KHNYN: variants seen among roughly 807,000 people sequenced by gnomAD.
KHNYN encodes the protein protein KHNYN.
KHNYN carries 42 observed loss-of-function variants against 62.7 expected under a neutral mutation model. The ratio of observed to expected loss-of-function variants is 0.67; its 90% CI spans 0.52 to 0.87. The LOEUF (loss-of-function observed/expected upper bound fraction) is 0.87, where lower values mean the gene tolerates loss of function less well. Among genes scored for constraint, KHNYN ranks in the 40% least tolerant of loss-of-function variants. The probability of loss-of-function intolerance (pLI) is 0.00; values close to 1 mark genes in which losing one functional copy is unlikely to be tolerated. For synonymous variants in KHNYN, 347 were observed against 345.6 expected, an observed-to-expected ratio of 1.00 and a Z score of -0.04; for missense variants, 829 against 874.1, an observed-to-expected ratio of 0.95 and a Z score of 0.65.
At chr14:24,425,109 G>A (rs887434333), upstream of KHNYN, among the ~76,000 whole-genome samples, 2 of 152,174 alleles carry the variant, frequency 1.3e-5, no homozygotes, top group African/African-American at 4.8e-5. Flanking sequence ...GCTGAGGCAT[G>A]AGCATTGCTT....
chr14:24,434,650 A>T (rs927283127), intron 5 of KHNYN, among the ~76,000 whole-genome samples: 1 of 152,112 alleles, frequency 6.6e-6, no homozygotes, highest in Non-Finnish European at 1.5e-5. Context: ...TGATCCGCCC[A>T]CCTCAGCCTC....
At position 24,432,032 on chromosome 14, in the gene KHNYN, G is replaced by A. The variant is rs201867703; in HGVS notation, c.771G>A (p.Lys257=). Residue 257 remains lysine, a synonymous_variant, in exon 3 of 8, where the codon AAG becomes AAA. Coordinates refer to ENST00000553935, the MANE Select transcript of KHNYN (RefSeq NM_015299.3). This position sits in a 1 kb window ranked among gnomAD's most constrained non-coding sequence, Gnocchi z 5.6. ...GGGGAGACACTTACGCTGTGGAGAA[G>A]GAGGGAGGGAAACAGGGTGGTCCCA... ...GARGDTYAVE[K]EGGKQGGPRE... The A allele has an allele frequency of 1.2e-6, 2 of 1,604,830 alleles. No homozygotes were observed. Among genetic ancestry groups the A allele is most frequent in the East Asian group, 4.5e-5 (2 of 44,744 alleles).
Position 24,432,572 on chromosome 14 carries a change from C to T in KHNYN, c.1311C>T (p.Leu437=), listed in dbSNP as rs1180384778. The stretch of plus-strand genomic sequence containing the variant: ...CCAATGTGCCTGGCCAGCCAGACCT[C>T]CGCCATATTGTCATTGACGGCAGCA... ...CLANVPGQPD[L]RHIVIDGSNV... The change falls in exon 3 of 8, where the codon CTC becomes CTT. Residue 437 remains leucine (L), a synonymous_variant. Coordinates refer to ENST00000553935, the MANE Select transcript of KHNYN (RefSeq NM_015299.3). This position sits in a 1 kb window ranked among gnomAD's most constrained non-coding sequence, Gnocchi z 5.6. 2.5e-6 allele frequency: 4 copies of T among 1,609,318 alleles called. No individual in the cohort carries two copies. In the African/African-American group the frequency reaches 4.0e-5, roughly 16 times the overall value.
rs1038239902 is a variant in KHNYN at position 24,430,557 on chromosome 14, C to T, written c.-17-157C>T. ...CCGGAGAGGCCTGCGTGACATACAC[C>T]CTCCCTACCTCCAGTGGACTCAGAT... On this transcript the variant is annotated intron_variant, in intron 1 of 7. Transcript: ENST00000553935. 12 of 1,422,016 alleles carry T rather than the reference C, an allele frequency of 8.4e-6. No individual in the cohort carries two copies. In the African/African-American group the frequency reaches 1.3e-4, roughly 15 times the overall value. The allele number at this position is 1,422,016 out of a possible 1,614,324, so 88.1% of individuals were successfully genotyped here.
chr14:24,428,684 G>A, upstream of KHNYN: 1 of 1,476,514 alleles, frequency 6.8e-7, no homozygotes, highest in Non-Finnish European at 9.1e-7. Context: ...ACAGCAAAGT[G>A]GGCTTGGACA....
Position 24,437,048 on chromosome 14 carries a change from T to A in KHNYN, c.1800T>A (p.Ser600=). Residue 600 remains serine (S), a synonymous_variant, in exon 8 of 8, where the codon TCT becomes TCA. Coordinates refer to ENST00000553935, the MANE Select transcript of KHNYN (RefSeq NM_015299.3). This position sits in a 1 kb window ranked among gnomAD's most constrained non-coding sequence, Gnocchi z 5.5. The part of the protein sequence containing the change: ...FLKKPARTQG[S]SKAQHPSRGF... ...TGTTTCTTCCCAGGACACAGGGGTC[T>A]TCTAAGGCTCAGCATCCTTCCAGGG... The A allele has an allele frequency of 6.2e-7, 1 of 1,614,048 alleles. No homozygotes were observed. Among genetic ancestry groups the A allele is most frequent in the Non-Finnish European group, 8.5e-7 (1 of 1,179,922 alleles).
rs371730227 is a variant in KHNYN, at chr14:24,436,388, C to T, written c.1686C>T (p.Arg562=). Residue 562 remains arginine, a splice_region_variant and synonymous_variant, in exon 7 of 8, where the codon CGC becomes CGT. Transcript: ENST00000553935. The part of the protein sequence containing the change: ...SEKWMAIIRE[R]LLPFTFVGNL... ...CCACACATTATCTTTCGCCATCCAG[C>T]CTGCTGCCCTTTACCTTTGTGGGAA... 17 of 1,613,664 alleles carry T rather than the reference C, an allele frequency of 1.1e-5. 1 individual carries two copies. The highest frequency in any genetic ancestry group is 1.0e-4 in the Admixed American group (6 of 59,942).
At chr14:24,431,241 G>A (rs771789926) in intron 2 of KHNYN, among the ~76,000 whole-genome samples, 21 of 152,210 alleles carry the variant, frequency 1.4e-4, no homozygotes, top group Non-Finnish European at 2.8e-4. Flanking sequence ...TGGGGTGGGA[G>A]GCTGGGCCAC....
Position 24,431,822 on chromosome 14 carries a change from G to A in KHNYN, c.561G>A (p.Gln187=), listed in dbSNP as rs1307514999. ...EALLQLPLAV[Q]EELLSLVQEA... is the part of the protein sequence containing the mutation. ...TGTTGCAGTTGCCCCTGGCTGTCCA[G>A]GAGGAGCTGCTGAGTCTGGTGCAGG... Residue 187 remains glutamine, a synonymous_variant, in exon 3 of 8, where the codon CAG becomes CAA. Transcript: ENST00000553935. The A allele has an allele frequency of 1.2e-6, 2 of 1,614,056 alleles. No individual in the cohort carries two copies. The highest frequency in any genetic ancestry group is 1.7e-6 in the Non-Finnish European group (2 of 1,180,030).
Position 24,431,533 on chromosome 14 carries a change from T to C in KHNYN, c.272T>C (p.Ile91Thr). The C allele has an allele frequency of 1.2e-6, 2 of 1,611,038 alleles. No individual in the cohort carries two copies. Among genetic ancestry groups the C allele is most frequent in the Non-Finnish European group, 1.7e-6 (2 of 1,177,628 alleles). ...CACTACCCGCCCAAACTGCACTGCATCTTTCTGGGAGCCCAGGGCTTCTTC... is the reference window on the plus strand; with the variant it reads ...CACTACCCGCCCAAACTGCACTGCACCTTTCTGGGAGCCCAGGGCTTCTTC... The part of the protein sequence containing the change: ...EIHYPPKLHC[I>T]FLGAQGFFLD... Residue 91 changes from isoleucine (I) to threonine (T), a missense_variant, in exon 3 of 8, where the codon ATC becomes ACC. By Grantham distance (89) the Ile-to-Thr change is moderately conservative. Coordinates refer to ENST00000553935, the MANE Select transcript of KHNYN (RefSeq NM_015299.3).
Position 24,439,844 on chromosome 14 carries a change from A to C in KHNYN, c.*2559A>C. ...CGTAAAGGAGAAGTGGGGCAGCTGC[A>C]GGACATGTAGAGAAACCAAACTGGG... On this transcript the variant is annotated 3_prime_UTR_variant, in exon 8 of 8. Coordinates refer to ENST00000553935, the MANE Select transcript of KHNYN (RefSeq NM_015299.3). 1 of 468,944 alleles carries C rather than the reference A, an allele frequency of 2.1e-6. No homozygotes were observed. The highest frequency in any genetic ancestry group is 3.8e-6 in the Non-Finnish European group (1 of 264,046). 29.0% of individuals were successfully genotyped at this position (468,944 alleles called of 1,614,324 possible).
upstream of KHNYN, chr14:24,426,798 T>C (rs2043024373): frequency 6.6e-6 from 1 of 152,202 alleles, no homozygotes; most frequent in Admixed American, 6.5e-5. Flanking sequence ...TCCCAGGTAA[T>C]AGGAAGCCTA....
rs535445145 is a variant in KHNYN at position 24,439,511 on chromosome 14, A to T, written c.*2226A>T. Reference sequence around the variant, plus strand: ...CTACTGGCATCCTAATGGCACTCTGACAGCATCCAGGGTGACTACAGGGCC... The same window carrying T: ...CTACTGGCATCCTAATGGCACTCTGTCAGCATCCAGGGTGACTACAGGGCC... On this transcript the variant is annotated 3_prime_UTR_variant, in exon 8 of 8. Transcript: ENST00000553935. 6.6e-6 allele frequency: 1 copy of T among 152,410 alleles called. No individual in the cohort carries two copies. Among genetic ancestry groups the T allele is most frequent in the East Asian group, 1.9e-4 (1 of 5,186 alleles). 9.4% of individuals were successfully genotyped at this position (152,410 alleles called of 1,614,324 possible).
chr14:24,436,994 C>CT (rs1566502064), intron 7 of KHNYN, 42 bp from the exon 8 acceptor site: 2 of 1,584,632 alleles, frequency 1.3e-6, no homozygotes, highest in Non-Finnish European at 8.6e-7. Context: ...TAATTTCCCC[C>CT]CCAGGATGCT....
intron 7 of KHNYN, 105 bp downstream of exon 7, chr14:24,436,594 AT>A (rs138793637): frequency 0.031 from 25,094 of 800,282 alleles, 801 homozygotes; most frequent in East Asian, 0.15. Context: ...GGCCAGCTTA[AT>A]TTTGCAGTGG....
upstream of KHNYN, chr14:24,429,574 C>A (rs5025771): frequency 1.8e-6 from 1 of 564,526 alleles, no homozygotes; most frequent in East Asian, 8.9e-5. Flanking sequence ...TACTCCACCA[C>A]GGGTACCCTC....
Position 24,432,774 on chromosome 14 carries a change from T to G in KHNYN, c.1402T>G (p.Tyr468Asp). Residue 468 changes from tyrosine (Y) to aspartate (D), a missense_variant, in exon 4 of 8, where the codon TAC becomes GAC. By Grantham distance (160) the Tyr-to-Asp change is radical. Around this residue, in one of 2 missense-constraint regions of KHNYN, gnomAD observed 270 missense variants for 347.1 expected, o/e 0.78. Coordinates refer to ENST00000553935, the MANE Select transcript of KHNYN (RefSeq NM_015299.3). This position sits in a 1 kb window ranked among gnomAD's most constrained non-coding sequence, Gnocchi z 5.6. ...CCGGGGCATTGCCATTGCTGTGCAGTACTTCTGGGACCGTGGTCACCGTGA... is the reference window on the plus strand; with the variant it reads ...CCGGGGCATTGCCATTGCTGTGCAGGACTTCTGGGACCGTGGTCACCGTGA... ...SSRGIAIAVQ[Y>D]FWDRGHRDIT... 6.2e-7 allele frequency: 1 copy of G among 1,614,206 alleles called. No homozygotes were observed. Among genetic ancestry groups the G allele is most frequent in the Non-Finnish European group, 8.5e-7 (1 of 1,180,014 alleles).
At chr14:24,427,929 C>T (rs769666640), upstream of KHNYN, 8 of 1,613,822 alleles carry the variant, frequency 5.0e-6, no homozygotes, top group Admixed American at 1.7e-5. The surrounding 1 kb of genome is among the most constrained non-coding windows in gnomAD (Gnocchi z 4.4). Context: ...TCCCGGGTCA[C>T]GTCAGGATCA....
chr14:24,427,760 G>GTTTGTGCTT, upstream of KHNYN: 1 of 1,608,676 alleles, frequency 6.2e-7, no homozygotes, highest in Non-Finnish European at 8.5e-7. The surrounding 1 kb of genome is among the most constrained non-coding windows in gnomAD (Gnocchi z 4.4). Flanking sequence ...GTCAGGGGCT[G>GTTTGTGCTT]GATTCTTGTG....
Sources: allele counts gnomAD v4.1 joint callset (sites outside exome capture counted in the v4.1 genomes callset), GRCh38; gene constraint gnomAD v4.1.1; regional missense constraint gnomAD v4.1.1; non-coding constraint Gnocchi (gnomAD v3.1); transcripts MANE v1.5; gene names NCBI Gene and HGNC (gene_info 2026-07-23, HGNC 2026-07-21).